Variants in MEIS2 observed in about 807,000 individuals in gnomAD.
MEIS2 encodes the protein homeobox protein Meis2.
MEIS2 carries 9 observed loss-of-function variants against 58.6 expected under a neutral mutation model. The ratio of observed to expected loss-of-function variants is 0.15; its 90% CI spans 0.09 to 0.27. MEIS2 has a LOEUF of 0.27. Among genes scored for constraint, MEIS2 ranks in the 10% least tolerant of loss-of-function variants. MEIS2 has a pLI of 1.00. For synonymous variants in MEIS2, 221 were observed against 228.4 expected (o/e 0.97, Z 0.29); for missense variants, 427 against 635.0 (o/e 0.67, Z 3.52).
At chr15:36,947,079 T>C (rs1172108372) in intron 9 of MEIS2, among the ~76,000 whole-genome samples, 1 of 152,050 alleles carries the variant, frequency 6.6e-6, no homozygotes, top group Non-Finnish European at 1.5e-5. Flanking sequence ...GTCTTATCAC[T>C]TGTGATTAGC....
At chr15:37,057,670 A>AAAT (rs1888615548) in intron 7 of MEIS2, among the ~76,000 whole-genome samples, 1 of 152,144 alleles carries the variant, frequency 6.6e-6, no homozygotes, top group African/African-American at 2.4e-5. Context: ...ATAAATAAAT[A>AAAT]AAGTAACCTA....
chr15:36,908,870 C>A (rs909182277), intron 9 of MEIS2, among the ~76,000 whole-genome samples: 1 of 151,906 alleles, frequency 6.6e-6, no homozygotes, highest in Non-Finnish European at 1.5e-5. Flanking sequence ...ACCTGGGAGG[C>A]GGAGGTTGTG....
intron 7 of MEIS2, among the ~76,000 whole-genome samples, chr15:37,072,862 G>A (rs891770009): frequency 3.3e-5 from 5 of 151,324 alleles, no homozygotes; most frequent in Non-Finnish European, 5.9e-5. Flanking sequence ...AAAACCTTCC[G>A]AATTTTGTGA....
At chr15:36,994,834 A>G (rs1210571823) in intron 8 of MEIS2, among the ~76,000 whole-genome samples, 1 of 152,204 alleles carries the variant, frequency 6.6e-6, no homozygotes, top group African/African-American at 2.4e-5. Context: ...CTTTACATGA[A>G]TAATATCCAC....
At chr15:37,044,695 G>A (rs7171343) in intron 7 of MEIS2, among the ~76,000 whole-genome samples, 146,778 of 152,256 alleles carry the variant, frequency 0.96, 70,975 homozygotes, top group Middle Eastern at 1. Context: ...AGCTTTCCCC[G>A]GCTCCCATTA....
intron 8 of MEIS2, among the ~76,000 whole-genome samples, chr15:36,996,347 C>T (rs1472109463): frequency 6.6e-6 from 1 of 152,042 alleles, no homozygotes; most frequent in Admixed American, 6.5e-5. Context: ...CAGTCATCAG[C>T]CTCAGGGAAC....
At chr15:36,903,201 C>T (rs538034176) in intron 9 of MEIS2, among the ~76,000 whole-genome samples, 4 of 152,276 alleles carry the variant, frequency 2.6e-5, no homozygotes, top group African/African-American at 7.2e-5. Context: ...AACAAAACAT[C>T]CCAGCAGGTT....
chr15:37,078,605 C>CAAAAAAAAAAAAAA (rs540405090), intron 7 of MEIS2, among the ~76,000 whole-genome samples: 15 of 69,414 alleles, frequency 2.2e-4, no homozygotes, highest in Non-Finnish European at 2.6e-4. Context: ...AAAAAACAAC[C>CAAAAAAAAAAAAAA]AAAAAAAAAA....
chr15:37,089,648 T>C (rs1422864865), intron 6 of MEIS2, among the ~76,000 whole-genome samples: 10 of 152,210 alleles, frequency 6.6e-5, no homozygotes, highest in Admixed American at 5.2e-4. Flanking sequence ...TGTATTTTCT[T>C]TCCTCTACTG....
intron 8 of MEIS2, among the ~76,000 whole-genome samples, chr15:36,958,027 T>C (rs1302050966): frequency 6.6e-6 from 1 of 152,176 alleles, no homozygotes; most frequent in African/African-American, 2.4e-5. Flanking sequence ...CAGATGTATA[T>C]TTGGGAGGAG....
chr15:36,895,343 T>C, intron 10 of MEIS2, 82 bp from the exon 11 acceptor site: 1 of 1,202,118 alleles, frequency 8.3e-7, no homozygotes, highest in Non-Finnish European at 1.2e-6. Flanking sequence ...GCTGCAGCAC[T>C]GAAACGTTAT....
intron 7 of MEIS2, 150 bp downstream of exon 7, chr15:37,083,621 A>T: frequency 1.8e-6 from 1 of 542,598 alleles, no homozygotes; most frequent in Non-Finnish European, 3.2e-6. Context: ...AGTTAAGAAG[A>T]GGAAATACTG....
At chr15:36,960,514 C>T (rs866165869) in intron 8 of MEIS2, among the ~76,000 whole-genome samples, 1 of 151,884 alleles carries the variant, frequency 6.6e-6, no homozygotes, top group African/African-American at 2.4e-5. Context: ...AAACACAACC[C>T]CTTAATAAGA....
At chr15:37,045,359 G>T (rs931536606) in intron 7 of MEIS2, among the ~76,000 whole-genome samples, 2 of 151,900 alleles carry the variant, frequency 1.3e-5, no homozygotes, top group Non-Finnish European at 2.9e-5. Flanking sequence ...TTGAAAACAG[G>T]ATTACAACAC....
chr15:37,099,622 A>AC lies in MEIS2; in HGVS notation c.-157_-156insG, dbSNP rs1277778270. The AC allele has an allele frequency of 6.6e-6, 7 of 1,054,894 alleles. No individual in the cohort carries two copies. The highest frequency in any genetic ancestry group is 9.3e-6 in the Non-Finnish European group (7 of 751,186). The allele number at this position is 1,054,894 out of a possible 1,614,324, so 65.3% of individuals were successfully genotyped here. On this transcript the variant is annotated 5_prime_UTR_variant, in exon 1 of 12. Coordinates refer to ENST00000561208, the MANE Select transcript of MEIS2 (RefSeq NM_170675.5). ...ATGCTATTTTTTAGGGGGGAAAAAA[A>AC]GCCCAGTCTAGACAACGAAGAATTT...
At chr15:36,969,368 T>C (rs1018319801) in intron 8 of MEIS2, among the ~76,000 whole-genome samples, 2 of 152,128 alleles carry the variant, frequency 1.3e-5, no homozygotes, top group Non-Finnish European at 2.9e-5. Flanking sequence ...CTGCACAAAT[T>C]TCAAAACCAT....
chr15:36,926,990 C>G (rs2057773754), intron 9 of MEIS2, among the ~76,000 whole-genome samples: 1 of 152,124 alleles, frequency 6.6e-6, no homozygotes, highest in African/African-American at 2.4e-5. Flanking sequence ...ACCTGCAATA[C>G]CTGGATGATA....
chr15:37,078,372 TA>T (rs1891700456), intron 7 of MEIS2, among the ~76,000 whole-genome samples: 1 of 151,510 alleles, frequency 6.6e-6, no homozygotes. Flanking sequence ...ATCGAGATTT[TA>T]CTTAAATAAA....
intron 9 of MEIS2, among the ~76,000 whole-genome samples, chr15:36,940,110 G>A (rs1050653118): frequency 1.3e-5 from 2 of 152,152 alleles, no homozygotes; most frequent in African/African-American, 4.8e-5. Context: ...ACCAAAGTAT[G>A]GATGTGCCTT....
Sources: allele counts gnomAD v4.1 joint callset (sites outside exome capture counted in the v4.1 genomes callset), GRCh38; gene constraint gnomAD v4.1.1; transcripts MANE v1.5; gene names NCBI Gene and HGNC (gene_info 2026-07-23, HGNC 2026-07-21).